The following DNAH6 variants were observed in gnomAD, a reference collection of about 807,000 sequenced individuals.
DNAH6 encodes the protein axonemal beta dynein heavy chain 6.
A neutral mutation model predicts 491.4 loss-of-function variants in DNAH6; 340 were observed. The ratio of observed to expected loss-of-function variants is 0.69; its 90% CI spans 0.63 to 0.76. The LOEUF is 0.76. DNAH6 is among the 30% of genes least tolerant of loss of function. The probability of loss-of-function intolerance (pLI) is 0.00; values close to 1 mark genes in which losing one functional copy is unlikely to be tolerated. For synonymous variants in DNAH6, 1,603 were observed against 1,686.1 expected, an observed-to-expected ratio of 0.95 and a Z score of 1.21; for missense variants, 4,443 against 4,972.2, an observed-to-expected ratio of 0.89 and a Z score of 3.20.
chr2:84,636,397 T>C (rs564907951), intron 30 of DNAH6, among the ~76,000 whole-genome samples: 1 of 152,348 alleles, frequency 6.6e-6, no homozygotes, highest in African/African-American at 2.4e-5. Flanking sequence ...GCAGGTTGTC[T>C]ACTACCCCCA....
chr2:84,777,915 G>C, intron 64 of DNAH6: 2 of 1,144,936 alleles, frequency 1.7e-6, no homozygotes, highest in African/African-American at 1.5e-5. Context: ...TTCACGTTAG[G>C]CTGGACCAAA....
chr2:84,701,985 G>C (rs892701969), intron 49 of DNAH6, among the ~76,000 whole-genome samples: 2 of 152,160 alleles, frequency 1.3e-5, no homozygotes, highest in East Asian at 3.8e-4. Context: ...ATTTATGCAA[G>C]TATCCTTGAC....
At chr2:84,572,474 G>A (rs149605522) in intron 11 of DNAH6, among the ~76,000 whole-genome samples, 221 of 152,146 alleles carry the variant, frequency 1.5e-3, no homozygotes, top group Non-Finnish European at 2.6e-3. Flanking sequence ...TATTTAGTCC[G>A]TTCAAAGGAA....
chr2:84,685,548 C>A, intron 43 of DNAH6, 76 bp downstream of exon 43: 1 of 896,918 alleles, frequency 1.1e-6, no homozygotes, highest in Non-Finnish European at 1.5e-6. Context: ...GAACAATTAA[C>A]ACAAAAAGAA....
At chr2:84,574,687 G>A (rs566070207) in intron 12 of DNAH6, among the ~76,000 whole-genome samples, 3 of 152,306 alleles carry the variant, frequency 2.0e-5, no homozygotes, top group African/African-American at 7.2e-5. Flanking sequence ...GTGCTGAACA[G>A]AAGCATACCG....
chr2:84,703,286 T>C, intron 49 of DNAH6, 109 bp from the exon 50 acceptor site: 1 of 803,194 alleles, frequency 1.2e-6, no homozygotes, highest in Non-Finnish European at 1.8e-6. Flanking sequence ...CAAACTGATT[T>C]AACAATTCTG....
chr2:84,807,074 T>G (rs1370989995), intron 71 of DNAH6, among the ~76,000 whole-genome samples: 1 of 152,158 alleles, frequency 6.6e-6, no homozygotes, highest in Admixed American at 6.5e-5. Flanking sequence ...GCTTGTACTT[T>G]TACTGTGAAA....
At chr2:84,507,581 T>G in the DNAH6 span, among the ~76,000 whole-genome samples, 1 of 152,256 alleles carries the variant, frequency 6.6e-6, no homozygotes, top group East Asian at 1.9e-4. Flanking sequence ...CTGATTGCCC[T>G]GGCCAGAACT....
At chr2:84,460,548 T>C in the DNAH6 span, among the ~76,000 whole-genome samples, 2 of 152,242 alleles carry the variant, frequency 1.3e-5, no homozygotes, top group Non-Finnish European at 2.9e-5. Flanking sequence ...CAGTACACTT[T>C]TAATGAAAAT....
intron 31 of DNAH6, among the ~76,000 whole-genome samples, chr2:84,638,535 A>G (rs545570118): frequency 6.6e-5 from 10 of 152,296 alleles, no homozygotes; most frequent in African/African-American, 2.4e-4. Context: ...GGAATTTCTC[A>G]GAAAGCACAG....
chr2:84,705,471 A>C lies in DNAH6; in HGVS notation c.8466-15A>C. 1 of 1,528,448 alleles carries C rather than the reference A, an allele frequency of 6.5e-7. No individual in the cohort carries two copies. The highest frequency in any genetic ancestry group is 1.7e-4 in the Middle Eastern group (1 of 5,848). The allele number at this position is 1,528,448 out of a possible 1,614,324, so 94.7% of individuals were successfully genotyped here. The stretch of plus-strand genomic sequence containing the variant: ...TTCATTTCAGTGCCATTAATATATC[A>C]TGTCTGTCTTTCAGGCCTGATTGGC... On this transcript the variant is annotated splice_polypyrimidine_tract_variant and intron_variant, in intron 51 of 76. Transcript: ENST00000389394.
the DNAH6 span, among the ~76,000 whole-genome samples, chr2:84,500,747 T>C: frequency 1.3e-5 from 2 of 152,160 alleles, no homozygotes; most frequent in African/African-American, 4.8e-5. Context: ...AATCTTTCAG[T>C]GGTTTGGTTA....
chr2:84,500,723 CTT>C, the DNAH6 span, among the ~76,000 whole-genome samples: 1 of 152,072 alleles, frequency 6.6e-6, no homozygotes, highest in Non-Finnish European at 1.5e-5. Context: ...GTGTTTCATA[CTT>C]TTCATTATAG....
At chr2:84,609,965 A>G (rs1686169443) in intron 21 of DNAH6, among the ~76,000 whole-genome samples, 2 of 152,268 alleles carry the variant, frequency 1.3e-5, no homozygotes, top group East Asian at 3.9e-4. Context: ...ATTATCTCAC[A>G]GTTTCTGTGG....
Position 84,814,171 on chromosome 2 carries a change from T to C in DNAH6, c.12150+49T>C, listed in dbSNP as rs1192360. 0.13 allele frequency: 192,293 copies of C among 1,527,816 alleles called. 12,600 individuals carry two copies. The highest frequency in any genetic ancestry group is 0.14 in the Admixed American group (7,045 of 49,416). The allele number at this position is 1,527,816 out of a possible 1,614,324, so 94.6% of individuals were successfully genotyped here. A position where few individuals can be genotyped will look rare whatever the true frequency, so the allele number is the denominator to read the frequency against. On this transcript the variant is annotated intron_variant, in intron 75 of 76. Transcript: ENST00000389394. ...GCAAAGCAGCTTCTATCCCACTGTC[T>C]TTGAAGATTTCAGACAACCTTCCAT... is the stretch of plus-strand genomic sequence containing the variant.
intron 61 of DNAH6, among the ~76,000 whole-genome samples, chr2:84,733,018 C>T (rs1481854966): frequency 6.6e-6 from 1 of 152,164 alleles, no homozygotes; most frequent in East Asian, 1.9e-4. Flanking sequence ...AATAAGGTTG[C>T]CATTTGTCTT....
chr2:84,749,181 C>T (rs1381615318), intron 63 of DNAH6, among the ~76,000 whole-genome samples: 2 of 152,128 alleles, frequency 1.3e-5, no homozygotes, highest in Admixed American at 1.3e-4. Context: ...AACATTCAAA[C>T]TCTGTCATTC....
chr2:84,781,027 G>A (rs11685534), intron 64 of DNAH6, among the ~76,000 whole-genome samples: 3,680 of 152,292 alleles, frequency 0.024, 74 homozygotes, highest in South Asian at 0.06. Context: ...GGTGGTACAT[G>A]TGCACATTTG....
At position 84,552,029 on chromosome 2, in the gene DNAH6, CAA is replaced by C. The variant is rs530336638; in HGVS notation, c.1486-888_1486-887del. On this transcript the variant is annotated intron_variant, in intron 9 of 76. Coordinates refer to ENST00000389394, the MANE Select transcript of DNAH6 (RefSeq NM_001370.2). ...CGCCATTGCACTCCAGCCTAGGCAA[CAA>C]GAGTGAAACTCCGTCTCAAAAAAAA... Among the ~76,000 whole-genome samples, 340 of 101,260 alleles carry C rather than the reference CAA, an allele frequency of 3.4e-3. 2 individuals carry two copies. Among genetic ancestry groups the C allele is most frequent in the Admixed American group, 9.5e-3 (71 of 7,504 alleles). The allele number at this position is 101,260 out of a possible 152,430, so 66.4% of individuals were successfully genotyped here. A position where few individuals can be genotyped will look rare whatever the true frequency, so the allele number is the denominator to read the frequency against.
Sources: gnomAD v4.1 joint callset for allele counts (sites outside exome capture counted in the v4.1 genomes callset) on GRCh38, gnomAD v4.1.1 for gene constraint, MANE v1.5 for transcripts, NCBI Gene and HGNC (gene_info 2026-07-23, HGNC 2026-07-21) for gene names.